Variants in THRB observed in about 807,000 individuals in gnomAD.
The protein encoded by THRB is thyroid hormone receptor beta.
THRB carries 12 observed loss-of-function variants against 47.8 expected under a neutral mutation model. The observed-to-expected ratio is 0.25, with a 90% CI of 0.16 to 0.41. THRB has a LOEUF of 0.41. THRB is among the 10% of genes least tolerant of loss of function. The pLI, the probability that THRB is intolerant of heterozygous loss-of-function variation, is 1.00. For synonymous variants in THRB, 218 were observed against 212.2 expected, an observed-to-expected ratio of 1.03 and a Z score of -0.24; for missense variants, 348 against 589.2, an observed-to-expected ratio of 0.59 and a Z score of 4.24.
At chr3:24,299,248 A>G (rs1473144669) in intron 2 of THRB, among the ~76,000 whole-genome samples, 15 of 90,974 alleles carry the variant, frequency 1.6e-4, no homozygotes, top group African/African-American at 5.7e-4. Flanking sequence ...ACTCAGTCTC[A>G]TAAAAAAAAA....
intron 5 of THRB, among the ~76,000 whole-genome samples, chr3:24,189,219 CAATTT>C (rs932418547): frequency 6.6e-6 from 1 of 151,946 alleles, no homozygotes; most frequent in African/African-American, 2.4e-5. Context: ...TTTCAAAACA[CAATTT>C]AAAACTTTAC....
intron 2 of THRB, among the ~76,000 whole-genome samples, chr3:24,312,576 A>T (rs2057827458): frequency 6.6e-6 from 1 of 152,168 alleles, no homozygotes; most frequent in East Asian, 1.9e-4. Flanking sequence ...CATAAAACCG[A>T]GCTCTCCTGC....
At chr3:24,176,727 G>A (rs1259552735) in intron 5 of THRB, among the ~76,000 whole-genome samples, 4 of 151,832 alleles carry the variant, frequency 2.6e-5, no homozygotes. Context: ...TTCCACTTTT[G>A]TTAAGCTTCA....
At chr3:24,202,074 T>G (rs1404830142) in intron 4 of THRB, among the ~76,000 whole-genome samples, 2 of 152,080 alleles carry the variant, frequency 1.3e-5, no homozygotes, top group Non-Finnish European at 2.9e-5. Context: ...CAGGCCCAAG[T>G]AGGATTAGCT....
chr3:24,324,389 C>A (rs2058679352), intron 2 of THRB, among the ~76,000 whole-genome samples: 1 of 152,148 alleles, frequency 6.6e-6, no homozygotes, highest in Non-Finnish European at 1.5e-5. Flanking sequence ...TCACCCAGAT[C>A]CTTTGGAAAT....
chr3:24,189,427 A>T (rs191060849), intron 5 of THRB, among the ~76,000 whole-genome samples: 1 of 152,320 alleles, frequency 6.6e-6, no homozygotes, highest in East Asian at 1.9e-4. Flanking sequence ...AAGACAATAA[A>T]GCGATCAGCA....
chr3:24,248,507 C>T (rs986815908), intron 3 of THRB, among the ~76,000 whole-genome samples: 4 of 152,130 alleles, frequency 2.6e-5, no homozygotes, highest in Middle Eastern at 3.2e-3. Context: ...ACCTGTTGCC[C>T]CTCAGCTCCA....
chr3:24,123,145 T>C lies in THRB; in HGVS notation c.1145-20A>G, dbSNP rs2148783809. The C allele has an allele frequency of 1.2e-6, 2 of 1,613,946 alleles. No homozygotes were observed. The highest frequency in any genetic ancestry group is 1.7e-6 in the Non-Finnish European group (2 of 1,180,012). ...GGCGATCTGCGGGGAAGAGAGAAGATGGACATTGATTCAGAGATGGAAGGG... is the reference window on the plus strand; with the variant it reads ...GGCGATCTGCGGGGAAGAGAGAAGACGGACATTGATTCAGAGATGGAAGGG... On this transcript the variant is annotated intron_variant, in intron 10 of 10. Coordinates refer to ENST00000646209, the MANE Select transcript of THRB (RefSeq NM_001354712.2).
intron 1 of THRB, chr3:24,455,106 CTTTTTTTTTTTTTTTTT>C (rs71057676): frequency 7.4e-5 from 3 of 40,684 alleles, no homozygotes; most frequent in East Asian, 7.8e-4. Flanking sequence ...TAAGGACTTA[CTTTTTTTTTTTTTTTTT>C]TTTTTTTTTT....
intron 2 of THRB, among the ~76,000 whole-genome samples, chr3:24,313,993 G>A (rs2057940165): frequency 6.6e-6 from 1 of 152,196 alleles, no homozygotes; most frequent in Non-Finnish European, 1.5e-5. Context: ...GCAGGAATTA[G>A]GCTTTTTCTT....
At chr3:24,205,450 T>C (rs938739207) in intron 4 of THRB, among the ~76,000 whole-genome samples, 2 of 152,174 alleles carry the variant, frequency 1.3e-5, no homozygotes, top group African/African-American at 4.8e-5. Context: ...AAGCAAATGC[T>C]GAGAGATTTT....
intron 7 of THRB, chr3:24,145,007 T>C (rs1349940478): frequency 6.6e-6 from 1 of 151,100 alleles, no homozygotes; most frequent in Non-Finnish European, 1.5e-5. Context: ...TTCCAGACCA[T>C]TTAGATTTGA....
chr3:24,148,807 T>C (rs898790111), intron 6 of THRB, among the ~76,000 whole-genome samples: 2 of 152,298 alleles, frequency 1.3e-5, no homozygotes, highest in African/African-American at 2.4e-5. Context: ...CAGAATAAAA[T>C]AGAAAAACAT....
At chr3:24,222,921 G>A (rs887482578) in intron 4 of THRB, among the ~76,000 whole-genome samples, 2 of 152,130 alleles carry the variant, frequency 1.3e-5, no homozygotes, top group Non-Finnish European at 2.9e-5. Flanking sequence ...CACATCTGGG[G>A]AGACAGGAAT....
intron 3 of THRB, among the ~76,000 whole-genome samples, chr3:24,286,148 C>T (rs1205686902): frequency 3.3e-5 from 5 of 152,152 alleles, no homozygotes; most frequent in African/African-American, 1.2e-4. Context: ...GATACCTTGA[C>T]CTTGGACACC....
In THRB at chr3:24,233,595, G is replaced by GAAAAAT. The variant is rs1210927822; in HGVS notation, c.-42-4595_-42-4594insATTTTT. ...AGAAAGAAAGAAAGAAAGAAAGAAA[G>GAAAAAT]AAAGAAAGAAAGAAAGAAAGAGAAA... is the stretch of plus-strand genomic sequence containing the variant. On this transcript the variant is annotated intron_variant, in intron 3 of 10. Transcript: ENST00000646209. 2.8e-4 allele frequency among the ~76,000 whole-genome samples: 41 copies of GAAAAAT among 143,964 alleles called. 3 individuals are homozygous for GAAAAAT. Among genetic ancestry groups the GAAAAAT allele is most frequent in the South Asian group, 1.8e-3 (8 of 4,356 alleles). 94.4% of individuals were successfully genotyped at this position (143,964 alleles called of 152,430 possible).
At chr3:24,196,446 AT>A (rs760368140) in intron 4 of THRB, among the ~76,000 whole-genome samples, 2 of 152,216 alleles carry the variant, frequency 1.3e-5, no homozygotes, top group Non-Finnish European at 2.9e-5. Context: ...AGGTTTATAT[AT>A]AAAAAGGTCT....
At chr3:24,278,024 T>C (rs2054117796) in intron 3 of THRB, among the ~76,000 whole-genome samples, 1 of 152,250 alleles carries the variant, frequency 6.6e-6, no homozygotes, top group Non-Finnish European at 1.5e-5. Context: ...AGAAGTCTAG[T>C]TCTGTTCTTC....
intron 5 of THRB, among the ~76,000 whole-genome samples, chr3:24,182,446 A>G (rs373434773): frequency 2.5e-4 from 38 of 152,286 alleles, no homozygotes; most frequent in African/African-American, 7.7e-4. Flanking sequence ...ACCTGATGGA[A>G]GAGTCAAGGG....
Sources: allele counts gnomAD v4.1 joint callset (sites outside exome capture counted in the v4.1 genomes callset), GRCh38; gene constraint gnomAD v4.1.1; transcripts MANE v1.5; gene names NCBI Gene and HGNC (gene_info 2026-07-23, HGNC 2026-07-21).